The following PSMD11 variants were observed in gnomAD, a reference collection of about 807,000 sequenced individuals.
PSMD11 encodes 26S proteasome non-ATPase regulatory subunit 11.
In PSMD11, 5 loss-of-function variants were observed where a neutral mutation model predicts 62.3. That is an observed-to-expected ratio of 0.08 (90% confidence interval 0.04 to 0.17). PSMD11 has a LOEUF of 0.17. Among genes scored for constraint, PSMD11 ranks in the 10% least tolerant of loss-of-function variants. The probability of loss-of-function intolerance (pLI) is 1.00; values close to 1 mark genes in which losing one functional copy is unlikely to be tolerated. For synonymous variants in PSMD11, 191 were observed against 191.8 expected, an observed-to-expected ratio of 1.00 and a Z score of 0.03; for missense variants, 310 against 512.9, an observed-to-expected ratio of 0.60 and a Z score of 3.82.
At chr17:32,452,199 G>A (rs941887110) in intron 2 of PSMD11, among the ~76,000 whole-genome samples, 2 of 152,172 alleles carry the variant, frequency 1.3e-5, no homozygotes, top group Non-Finnish European at 2.9e-5. Flanking sequence ...AACCTGTGAA[G>A]CCAAAAAAAT....
intron 3 of PSMD11, among the ~76,000 whole-genome samples, chr17:32,457,818 C>T (rs538442788): frequency 4.0e-5 from 6 of 149,602 alleles, no homozygotes; most frequent in South Asian, 2.1e-4. Context: ...TTTTTTTCCC[C>T]GAGATGGAGT....
chr17:32,446,356 A>C lies in PSMD11; in HGVS notation c.92-589A>C, dbSNP rs556899084. 2.6e-5 allele frequency among the ~76,000 whole-genome samples: 4 copies of C among 152,346 alleles called. No homozygotes were observed. The South Asian group carries it at 8.3e-4, about 32-fold the overall frequency. ...AGACCTCAATGCATTAAAAAGCAGC[A>C]GTCTCCCCTAAGTGTAGCTGTGCAG... On this transcript the variant is annotated intron_variant, in intron 1 of 13. Transcript: ENST00000261712.
At chr17:32,466,421 A>C (rs988032152) in intron 5 of PSMD11, among the ~76,000 whole-genome samples, 2 of 152,138 alleles carry the variant, frequency 1.3e-5, no homozygotes, top group African/African-American at 4.8e-5. Flanking sequence ...GAAATGATAC[A>C]ATATTTGTTT....
At chr17:32,461,146 C>T (rs774598258) in intron 3 of PSMD11, among the ~76,000 whole-genome samples, 10 of 151,900 alleles carry the variant, frequency 6.6e-5, no homozygotes, top group Non-Finnish European at 1.3e-4. Flanking sequence ...GGCATGATCT[C>T]GGCTCACTGC....
intron 2 of PSMD11, 58 bp from the exon 3 acceptor site, chr17:32,454,437 G>A: frequency 6.3e-7 from 1 of 1,583,834 alleles, no homozygotes; most frequent in Admixed American, 1.7e-5. Context: ...TTTCTTAAGT[G>A]GGTATTTTGT....
chr17:32,451,848 C>T (rs936729189), intron 2 of PSMD11, among the ~76,000 whole-genome samples: 1 of 152,184 alleles, frequency 6.6e-6, no homozygotes, highest in African/African-American at 2.4e-5. Context: ...AAGCAGTGCT[C>T]TTGCCTCAGC....
intron 5 of PSMD11, among the ~76,000 whole-genome samples, chr17:32,467,099 C>G (rs1908012991): frequency 6.6e-6 from 1 of 151,746 alleles, no homozygotes; most frequent in African/African-American, 2.4e-5. Flanking sequence ...CACGCACCAC[C>G]ATGCTCGGCT....
chr17:32,447,892 T>C (rs956100967), intron 2 of PSMD11, among the ~76,000 whole-genome samples: 1 of 151,916 alleles, frequency 6.6e-6, no homozygotes, highest in African/African-American at 2.4e-5. Context: ...TTTCTTTTTT[T>C]TTTTTTGAGA....
intron 3 of PSMD11, among the ~76,000 whole-genome samples, chr17:32,458,686 TGG>T (rs1907720825): frequency 6.6e-6 from 1 of 152,230 alleles, no homozygotes. Context: ...TCCTTAACCA[TGG>T]CTACCTCTGA....
Position 32,483,167 on chromosome 17 carries a change from C to T in PSMD11, c.*2415C>T, listed in dbSNP as rs1038892637. 5 of 152,178 alleles carry T rather than the reference C, an allele frequency of 3.3e-5. No homozygotes were observed. The highest frequency in any genetic ancestry group is 1.2e-4 in the African/African-American group (5 of 41,424). 9.4% of individuals were successfully genotyped at this position (152,178 alleles called of 1,614,324 possible). On this transcript the variant is annotated 3_prime_UTR_variant, in exon 14 of 14. Transcript: ENST00000261712. ...GCCCTTGCAACGTGGCTGGTTCGAG[C>T]TGTGATACACTGCAAGTGTAAACAC...
chr17:32,481,424 A>C lies in PSMD11; in HGVS notation c.*672A>C, dbSNP rs1350349005. 6.5e-6 allele frequency: 1 copy of C among 154,670 alleles called. No homozygotes were observed. The highest frequency in any genetic ancestry group is 1.5e-5 in the Non-Finnish European group (1 of 68,552). The allele number at this position is 154,670 out of a possible 1,614,324, so 9.6% of individuals were successfully genotyped here. On this transcript the variant is annotated 3_prime_UTR_variant, in exon 14 of 14. Transcript: ENST00000261712. ...TCTGACCTGTGAAGGAATGGGGATG[A>C]GGCCAGGAGCTAGTGTCTACCACGG...
intron 6 of PSMD11, among the ~76,000 whole-genome samples, chr17:32,473,144 T>C (rs369600545): frequency 1.7e-4 from 25 of 148,956 alleles, no homozygotes; most frequent in African/African-American, 6.2e-4. Flanking sequence ...AGTGACAGAG[T>C]GAGACTCGGC....
intron 4 of PSMD11, 116 bp downstream of exon 4, chr17:32,464,236 G>A (rs1374240232): frequency 9.0e-6 from 9 of 994,612 alleles, no homozygotes; most frequent in Admixed American, 1.9e-5. Context: ...CCTAGATACC[G>A]AAAGATTATT....
At chr17:32,447,155 T>C (rs779725670) in intron 2 of PSMD11, 109 bp downstream of exon 2, 1 of 831,986 alleles carries the variant, frequency 1.2e-6, no homozygotes, top group Non-Finnish European at 1.8e-6. Flanking sequence ...CTTTATTTTC[T>C]TGGCAACTTG....
At chr17:32,462,020 A>G (rs1003466113) in intron 3 of PSMD11, among the ~76,000 whole-genome samples, 1 of 152,210 alleles carries the variant, frequency 6.6e-6, no homozygotes, top group Admixed American at 6.5e-5. Flanking sequence ...TGTCTGGACT[A>G]TCAGGGAAAT....
intron 5 of PSMD11, among the ~76,000 whole-genome samples, chr17:32,468,622 C>G (rs1279946626): frequency 6.6e-6 from 1 of 152,146 alleles, no homozygotes; most frequent in Non-Finnish European, 1.5e-5. Flanking sequence ...CAACCTAGTG[C>G]CCCAGTGTTT....
intron 1 of PSMD11, chr17:32,444,913 C>T (rs891121675): frequency 8.4e-6 from 4 of 478,844 alleles, no homozygotes; most frequent in Non-Finnish European, 1.5e-5. Context: ...TAGCCATGTC[C>T]CCGGCTCTGG....
chr17:32,464,675 C>A, intron 5 of PSMD11, 97 bp downstream of exon 5: 3 of 889,670 alleles, frequency 3.4e-6, no homozygotes, highest in Admixed American at 2.6e-5. Flanking sequence ...AATTTATATT[C>A]TACTGACTTC....
chr17:32,468,895 ATT>A (rs369788458), intron 5 of PSMD11, 102 bp from the exon 6 acceptor site: 6,629 of 870,354 alleles, frequency 7.6e-3, no homozygotes, highest in South Asian at 9.6e-3. Context: ...GAGTTCAGGA[ATT>A]TTTTTTTTTT....
Sources: allele counts gnomAD v4.1 joint callset (sites outside exome capture counted in the v4.1 genomes callset), GRCh38; gene constraint gnomAD v4.1.1; transcripts MANE v1.5; gene names NCBI Gene and HGNC (gene_info 2026-07-23, HGNC 2026-07-21).